Variants in SPOCK3 observed in about 807,000 individuals in gnomAD.
The protein encoded by SPOCK3 is SPARC (osteonectin), cwcv and kazal like domains proteoglycan 3, also known as testican-3.
In SPOCK3, 30 loss-of-function variants were observed where a neutral mutation model predicts 56.6. The observed-to-expected ratio is 0.53, with a 90% CI of 0.40 to 0.72. The LOEUF (loss-of-function observed/expected upper bound fraction) is 0.72. SPOCK3 is among the 30% of genes least tolerant of loss of function. SPOCK3 has a pLI of 0.00. For missense variants in SPOCK3, 527 were observed against 530.0 expected, an observed-to-expected ratio of 0.99 and a Z score of 0.06; for synonymous variants, 196 against 183.3, an observed-to-expected ratio of 1.07 and a Z score of -0.56.
chr4:166,823,926 T>C (rs550317478), intron 6 of SPOCK3, among the ~76,000 whole-genome samples: 2 of 152,244 alleles, frequency 1.3e-5, no homozygotes, highest in East Asian at 3.9e-4. Flanking sequence ...CTGGTTTGCA[T>C]AATCTATCAA....
intron 2 of SPOCK3, among the ~76,000 whole-genome samples, chr4:167,146,688 G>A (rs940526840): frequency 6.6e-6 from 1 of 152,024 alleles, no homozygotes; most frequent in Non-Finnish European, 1.5e-5. Context: ...CATGGAAACT[G>A]AACAACCTGC....
chr4:166,965,135 A>G (rs900536623), intron 4 of SPOCK3, among the ~76,000 whole-genome samples: 1 of 151,994 alleles, frequency 6.6e-6, no homozygotes, highest in African/African-American at 2.4e-5. Flanking sequence ...TATGGAAAGA[A>G]CATGCTTTTT....
At chr4:167,001,305 A>G (rs949662019) in intron 3 of SPOCK3, among the ~76,000 whole-genome samples, 18 of 152,102 alleles carry the variant, frequency 1.2e-4, no homozygotes, top group Non-Finnish European at 2.9e-5. Flanking sequence ...TCCAACTAGT[A>G]TTAGGCAACT....
intron 7 of SPOCK3, among the ~76,000 whole-genome samples, chr4:166,765,590 C>A (rs1337610966): frequency 6.6e-6 from 1 of 152,116 alleles, no homozygotes; most frequent in African/African-American, 2.4e-5. Flanking sequence ...GTTACTGTAG[C>A]CTTGTAGTAT....
chr4:166,742,468 T>C (rs1173888448), intron 8 of SPOCK3, among the ~76,000 whole-genome samples: 2 of 152,154 alleles, frequency 1.3e-5, no homozygotes, highest in Admixed American at 1.3e-4. Flanking sequence ...TTCAACTAAT[T>C]GACTGCTGCT....
At chr4:167,073,221 T>C (rs1399393140) in intron 2 of SPOCK3, among the ~76,000 whole-genome samples, 1 of 151,662 alleles carries the variant, frequency 6.6e-6, no homozygotes, top group Non-Finnish European at 1.5e-5. Flanking sequence ...TGAATATAGT[T>C]TATAAGACTG....
At position 167,234,110 on chromosome 4, in the gene SPOCK3, C is replaced by G; in HGVS notation, c.64G>C (p.Ala22Pro). The change falls in exon 2 of 11, where the codon GCT becomes CCT. Residue 22 changes from alanine (A) to proline (P), a missense_variant. Ala to Pro is a conservative substitution (Grantham distance 27). Transcript: ENST00000357545. ...AAAWCSQSLA[A>P]AAAVAAAGGR... Reference sequence around the variant, plus strand: ...CCGGCTGCAGCCACCGCCGCGGCAGCTGCGAGAGACTGACTGCACCAAGCG... The same window carrying G: ...CCGGCTGCAGCCACCGCCGCGGCAGGTGCGAGAGACTGACTGCACCAAGCG... 6.2e-7 allele frequency: 1 copy of G among 1,613,956 alleles called. No individual in the cohort carries two copies. Among genetic ancestry groups the G allele is most frequent in the Non-Finnish European group, 8.5e-7 (1 of 1,180,012 alleles).
chr4:167,038,534 T>G (rs2150195757), intron 3 of SPOCK3, among the ~76,000 whole-genome samples: 2 of 152,124 alleles, frequency 1.3e-5, no homozygotes, highest in East Asian at 3.9e-4. Context: ...AACTATTCAC[T>G]GAGAACAGGG....
chr4:167,165,765 C>T (rs1318674475), intron 2 of SPOCK3, among the ~76,000 whole-genome samples: 1 of 151,926 alleles, frequency 6.6e-6, no homozygotes. Flanking sequence ...GTTGAGCACA[C>T]ACCAAACTAT....
At chr4:166,765,779 G>A (rs1737942501) in intron 7 of SPOCK3, among the ~76,000 whole-genome samples, 1 of 152,240 alleles carries the variant, frequency 6.6e-6, no homozygotes, top group Admixed American at 6.5e-5. Context: ...ACCTTGGGCA[G>A]TATGCCCATT....
chr4:167,013,929 A>G (rs1338554687), intron 3 of SPOCK3, among the ~76,000 whole-genome samples: 1 of 152,162 alleles, frequency 6.6e-6, no homozygotes, highest in Non-Finnish European at 1.5e-5. Context: ...TAGTGCATAA[A>G]CACATAAGAA....
At chr4:167,050,513 G>A (rs894306316) in intron 3 of SPOCK3, among the ~76,000 whole-genome samples, 8 of 152,044 alleles carry the variant, frequency 5.3e-5, no homozygotes, top group East Asian at 1.9e-4. Flanking sequence ...AAATAAATAC[G>A]ATTACCATAT....
chr4:167,000,320 T>A, intron 4 of SPOCK3, 29 bp downstream of exon 4: 3 of 1,129,538 alleles, frequency 2.7e-6, no homozygotes, highest in Non-Finnish European at 2.6e-6. Context: ...CGCTGTTCAA[T>A]CAGTGGGATT....
chr4:166,832,997 C>T (rs887239401), intron 6 of SPOCK3, among the ~76,000 whole-genome samples: 1 of 152,112 alleles, frequency 6.6e-6, no homozygotes, highest in African/African-American at 2.4e-5. Flanking sequence ...CCAAATACCT[C>T]AGCATCATGC....
intron 8 of SPOCK3, among the ~76,000 whole-genome samples, chr4:166,749,636 TAAAAAATAAA>T (rs1560817482): frequency 6.6e-6 from 1 of 151,650 alleles, no homozygotes; most frequent in African/African-American, 2.4e-5. Flanking sequence ...TAAAGTATGA[TAAAAAATAAA>T]AAAAAATAAA....
chr4:167,130,211 C>A (rs552601186), intron 2 of SPOCK3, among the ~76,000 whole-genome samples: 1 of 152,270 alleles, frequency 6.6e-6, no homozygotes, highest in African/African-American at 2.4e-5. Context: ...AGCAATCCTC[C>A]TGCCTCAGCC....
chr4:166,860,817 G>GTATATA (rs1307737257), intron 6 of SPOCK3, among the ~76,000 whole-genome samples: 7 of 31,164 alleles, frequency 2.2e-4, no homozygotes, highest in African/African-American at 4.5e-4. Context: ...ATATATATAT[G>GTATATA]TATATATATA....
chr4:167,029,076 C>T (rs1047907514), intron 3 of SPOCK3, among the ~76,000 whole-genome samples: 2 of 151,922 alleles, frequency 1.3e-5, no homozygotes, highest in East Asian at 3.9e-4. Flanking sequence ...GCTTTCCCTG[C>T]CCCCACAGAC....
At chr4:167,137,505 C>T (rs954442093) in intron 2 of SPOCK3, among the ~76,000 whole-genome samples, 2 of 151,712 alleles carry the variant, frequency 1.3e-5, no homozygotes, top group East Asian at 1.9e-4. Flanking sequence ...TTGATTAATT[C>T]TTTGGACAAA....
Sources: gnomAD v4.1 joint callset for allele counts (sites outside exome capture counted in the v4.1 genomes callset) on GRCh38, gnomAD v4.1.1 for gene constraint, MANE v1.5 for transcripts, NCBI Gene and HGNC (gene_info 2026-07-23, HGNC 2026-07-21) for gene names.